The following PLEKHB2 variants were observed in gnomAD, a reference collection of about 807,000 sequenced individuals.
The protein encoded by PLEKHB2 is pleckstrin homology domain containing B2, also known as pleckstrin homology domain-containing family B member 2.
Under a neutral mutation model 36.5 loss-of-function variants are expected in PLEKHB2, and 31 were observed. The ratio of observed to expected loss-of-function variants is 0.85; its 90% CI spans 0.64 to 1.15. The LOEUF is 1.15. PLEKHB2 is among the 50% of genes most tolerant of loss of function. The pLI is 0.00. For synonymous variants in PLEKHB2, 119 were observed against 112.0 expected, an observed-to-expected ratio of 1.06 and a Z score of -0.39; for missense variants, 262 against 295.3, an observed-to-expected ratio of 0.89 and a Z score of 0.83.
chr2:131,138,015 A>AT (rs779343791), intron 6 of PLEKHB2, among the ~76,000 whole-genome samples: 2,515 of 113,294 alleles, frequency 0.022, 67 homozygotes, highest in East Asian at 0.05. Context: ...AGAGATGCTC[A>AT]TTTTTTTTTT....
At chr2:131,132,318 AT>A (rs1697785987) in intron 5 of PLEKHB2, among the ~76,000 whole-genome samples, 3 of 151,938 alleles carry the variant, frequency 2.0e-5, no homozygotes, top group Admixed American at 2.0e-4. Flanking sequence ...TAACATCTTT[AT>A]TTTTTTGGAG....
intron 5 of PLEKHB2, among the ~76,000 whole-genome samples, chr2:131,131,582 C>A (rs919085660): frequency 1.3e-5 from 2 of 152,062 alleles, no homozygotes; most frequent in Non-Finnish European, 2.9e-5. Context: ...CTTTATTAAT[C>A]TGTAAGAAAA....
chr2:131,129,574 C>T (rs931414933), intron 4 of PLEKHB2, among the ~76,000 whole-genome samples: 4 of 151,998 alleles, frequency 2.6e-5, no homozygotes, highest in South Asian at 4.1e-4. Context: ...GTATAATCTC[C>T]GCTCATTGCA....
At chr2:131,130,656 C>G in intron 4 of PLEKHB2, 65 bp from the exon 5 acceptor site, 2 of 1,189,156 alleles carry the variant, frequency 1.7e-6, no homozygotes, top group Non-Finnish European at 2.5e-6. Context: ...TGATGCCAGC[C>G]CAGGTTTCAG....
chr2:131,110,114 C>A lies in PLEKHB2; in HGVS notation c.-9+4716C>A, dbSNP rs556891998. 5.3e-3 allele frequency among the ~76,000 whole-genome samples: 715 copies of A among 133,688 alleles called. 4 individuals are homozygous for A. The highest frequency in any genetic ancestry group is 0.018 in the African/African-American group (658 of 36,478). 87.7% of individuals were successfully genotyped at this position (133,688 alleles called of 152,430 possible). On this transcript the variant is annotated intron_variant, in intron 1 of 7. Transcript: ENST00000693505. ...TGGGTGACAGAGTGAGACTCCGTCT[C>A]AAAAAAAAAAAATAGTATTTTATCT...
rs921918825 is a variant in PLEKHB2, at chr2:131,147,754, T to A, written c.*981T>A. Reference sequence around the variant, plus strand: ...CGGAGCTTGCAGTGAGCCAAGATAGTGCCACTGCACTTCAGCCTGGGTGAC... The same window carrying A: ...CGGAGCTTGCAGTGAGCCAAGATAGAGCCACTGCACTTCAGCCTGGGTGAC... On this transcript the variant is annotated 3_prime_UTR_variant, in exon 8 of 8. Coordinates refer to ENST00000693505, the MANE Select transcript of PLEKHB2 (RefSeq NM_001100623.2). 3 of 147,086 alleles carry A rather than the reference T, an allele frequency of 2.0e-5. No individual in the cohort carries two copies. The highest frequency in any genetic ancestry group is 7.8e-5 in the African/African-American group (3 of 38,272). The allele number at this position is 147,086 out of a possible 1,614,324, so 9.1% of individuals were successfully genotyped here. A position where few individuals can be genotyped will look rare whatever the true frequency, so the allele number is the denominator to read the frequency against.
At position 131,149,785 on chromosome 2, in the gene PLEKHB2, T is replaced by TA. The variant is rs1342637281; in HGVS notation, c.*3013dup. ...TCTAGAGAACTGATTTTTTCCTACA[T>TA]ACGCAAATTGTACATTTGTAAGTGA... On this transcript the variant is annotated 3_prime_UTR_variant, in exon 8 of 8. Coordinates refer to ENST00000693505, the MANE Select transcript of PLEKHB2 (RefSeq NM_001100623.2). 5 of 152,254 alleles carry TA rather than the reference T, an allele frequency of 3.3e-5. No individual in the cohort carries two copies. The East Asian group carries it at 9.6e-4, about 29-fold the overall frequency. The allele number at this position is 152,254 out of a possible 1,614,324, so 9.4% of individuals were successfully genotyped here. A position where few individuals can be genotyped will look rare whatever the true frequency, so the allele number is the denominator to read the frequency against.
At position 131,109,984 on chromosome 2, in the gene PLEKHB2, G is replaced by A. The variant is rs908653775; in HGVS notation, c.-9+4586G>A. On this transcript the variant is annotated intron_variant, in intron 1 of 7. Transcript: ENST00000693505. Reference sequence around the variant, plus strand: ...AAAAAAATTACCTGGGTGTGGTGGCGGTTGCCTGTAGTCCCAGCTATTCGG... The same window carrying A: ...AAAAAAATTACCTGGGTGTGGTGGCAGTTGCCTGTAGTCCCAGCTATTCGG... Among the ~76,000 whole-genome samples the A allele has an allele frequency of 2.6e-4, 40 of 151,876 alleles. 1 individual carries two copies. Among genetic ancestry groups the A allele is most frequent in the African/African-American group, 8.7e-4 (36 of 41,426 alleles).
chr2:131,122,741 C>A (rs1385004942), intron 2 of PLEKHB2, among the ~76,000 whole-genome samples: 1 of 152,192 alleles, frequency 6.6e-6, no homozygotes, highest in African/African-American at 2.4e-5. Context: ...ATGTTCCCAA[C>A]CTGGAGCTGA....
intron 5 of PLEKHB2, among the ~76,000 whole-genome samples, chr2:131,132,322 T>C (rs1697786871): frequency 6.6e-6 from 1 of 152,130 alleles, no homozygotes; most frequent in Non-Finnish European, 1.5e-5. Context: ...ATCTTTATTT[T>C]TTTGGAGACA....
intron 4 of PLEKHB2, among the ~76,000 whole-genome samples, chr2:131,128,319 A>G (rs1374515631): frequency 6.6e-6 from 1 of 152,220 alleles, no homozygotes; most frequent in Non-Finnish European, 1.5e-5. Context: ...CTTGGCAACT[A>G]TGCAGATATA....
chr2:131,123,102 T>G (rs1311103784), intron 2 of PLEKHB2, among the ~76,000 whole-genome samples: 1 of 152,218 alleles, frequency 6.6e-6, no homozygotes, highest in Non-Finnish European at 1.5e-5. Context: ...GTACACAAAA[T>G]AGATGTACTT....
chr2:131,140,816 A>G (rs1410282655), intron 7 of PLEKHB2, among the ~76,000 whole-genome samples: 2 of 152,102 alleles, frequency 1.3e-5, no homozygotes, highest in Non-Finnish European at 2.9e-5. Context: ...GGCAGGGTGG[A>G]GGTGTGGGAC....
chr2:131,144,661 G>A (rs1282435487), intron 7 of PLEKHB2, among the ~76,000 whole-genome samples: 1 of 152,130 alleles, frequency 6.6e-6, no homozygotes, highest in Non-Finnish European at 1.5e-5. Flanking sequence ...AGTTAAATTA[G>A]GCAATTATAA....
Position 131,125,733 on chromosome 2 carries a change from G to C in PLEKHB2, c.38-20G>C. 7 of 1,571,750 alleles carry C rather than the reference G, an allele frequency of 4.5e-6. No homozygotes were observed. Among genetic ancestry groups the C allele is most frequent in the Non-Finnish European group, 6.0e-6 (7 of 1,161,968 alleles). On this transcript the variant is annotated intron_variant, in intron 2 of 7. Transcript: ENST00000693505. The stretch of plus-strand genomic sequence containing the variant: ...TGTCTCTAAAAAAAAAAAAACAACC[G>C]TACTATTTTTTTTTTCCAGGTACTA...
In PLEKHB2 at chr2:131,148,020, T is replaced by C. The variant is rs1699426325; in HGVS notation, c.*1247T>C. The C allele has an allele frequency of 6.6e-6, 1 of 152,296 alleles. No individual in the cohort carries two copies. Among genetic ancestry groups the C allele is most frequent in the Non-Finnish European group, 1.5e-5 (1 of 68,138 alleles). 9.4% of individuals were successfully genotyped at this position (152,296 alleles called of 1,614,324 possible). A position where few individuals can be genotyped will look rare whatever the true frequency, so the allele number is the denominator to read the frequency against. ...ATTTCTGGCCTTTGGGGGTTTGCAC[T>C]GTGCGGGAGATGCTCTCTCATCACT... On this transcript the variant is annotated 3_prime_UTR_variant, in exon 8 of 8. Transcript: ENST00000693505.
At chr2:131,123,058 A>G (rs766976252) in intron 2 of PLEKHB2, among the ~76,000 whole-genome samples, 69 of 152,164 alleles carry the variant, frequency 4.5e-4, no homozygotes, top group Non-Finnish European at 8.8e-5. Flanking sequence ...TCTTTTGACA[A>G]TTTTGTCCTC....
intron 7 of PLEKHB2, among the ~76,000 whole-genome samples, chr2:131,142,812 T>C (rs113909329): frequency 0.022 from 3,277 of 152,170 alleles, 120 homozygotes; most frequent in African/African-American, 0.074. Flanking sequence ...TGCCTTGACC[T>C]CCCAAAGTGC....
intron 1 of PLEKHB2, among the ~76,000 whole-genome samples, chr2:131,109,940 C>A (rs1695119764): frequency 6.6e-6 from 1 of 151,804 alleles, no homozygotes; most frequent in African/African-American, 2.4e-5. Context: ...CGGTGAAACC[C>A]TGTCTCTACT....
Sources: allele counts gnomAD v4.1 joint callset (sites outside exome capture counted in the v4.1 genomes callset), GRCh38; gene constraint gnomAD v4.1.1; transcripts MANE v1.5; gene names NCBI Gene and HGNC (gene_info 2026-07-23, HGNC 2026-07-21).